Variants in PRKAA2 observed in about 807,000 individuals in gnomAD.
PRKAA2 encodes protein kinase AMP-activated catalytic subunit alpha 2, also known as 5'-AMP-activated protein kinase catalytic subunit alpha-2.
A neutral mutation model predicts 56.3 loss-of-function variants in PRKAA2; 40 were observed. The ratio of observed to expected loss-of-function variants is 0.71; its 90% CI spans 0.55 to 0.92. The LOEUF (loss-of-function observed/expected upper bound fraction) is 0.92. Ranked by LOEUF, PRKAA2 falls within the 40% of genes least tolerant of loss-of-function variation. The probability of loss-of-function intolerance (pLI) is 0.00; values close to 1 mark genes in which losing one functional copy is unlikely to be tolerated. For synonymous variants in PRKAA2, 214 were observed against 234.2 expected (o/e 0.91, Z 0.79); for missense variants, 542 against 686.9 (o/e 0.79, Z 2.36).
chr1:56,699,347 A>G (rs1342840598), intron 6 of PRKAA2, among the ~76,000 whole-genome samples: 2 of 152,158 alleles, frequency 1.3e-5, no homozygotes, highest in Non-Finnish European at 2.9e-5. Context: ...AGTGATAGAA[A>G]AATATAATTT....
intron 8 of PRKAA2, 89 bp from the exon 9 acceptor site, chr1:56,707,386 T>C: frequency 9.2e-7 from 1 of 1,082,830 alleles, no homozygotes; most frequent in Non-Finnish European, 1.4e-6. Context: ...CAGATGTGTT[T>C]ACTTAATATT....
intron 6 of PRKAA2, among the ~76,000 whole-genome samples, chr1:56,700,704 A>T (rs1048924524): frequency 6.6e-6 from 1 of 152,194 alleles, no homozygotes; most frequent in Non-Finnish European, 1.5e-5. Context: ...GTCAGGTCAC[A>T]TAAAAACCAG....
rs1207748743 is a variant in PRKAA2, at chr1:56,645,385, A to T, written c.-3A>T. Reference sequence around the variant, plus strand: ...CGGTGGAGCGAGGCCGCGCGCGCCGAAGATGGCTGAGAAGCAGAAGCACGA... The same window carrying T: ...CGGTGGAGCGAGGCCGCGCGCGCCGTAGATGGCTGAGAAGCAGAAGCACGA... On this transcript the variant is annotated 5_prime_UTR_variant, in exon 1 of 9. Coordinates refer to ENST00000371244, the MANE Select transcript of PRKAA2 (RefSeq NM_006252.4). 1.4e-6 allele frequency: 2 copies of T among 1,479,178 alleles called. No homozygotes were observed. Among genetic ancestry groups the T allele is most frequent in the East Asian group, 3.0e-5 (1 of 33,196 alleles). 91.6% of individuals were successfully genotyped at this position (1,479,178 alleles called of 1,614,324 possible).
At chr1:56,651,374 C>T (rs750831948) in intron 1 of PRKAA2, among the ~76,000 whole-genome samples, 2 of 151,474 alleles carry the variant, frequency 1.3e-5, no homozygotes, top group Non-Finnish European at 2.9e-5. Context: ...TTTTTTTATT[C>T]CCAGAGTAAT....
chr1:56,715,019 G>C lies in PRKAA2; in HGVS notation c.*7306G>C, dbSNP rs1043034306. 3 of 136,314 alleles carry C rather than the reference G, an allele frequency of 2.2e-5. No individual in the cohort carries two copies. The highest frequency in any genetic ancestry group is 7.6e-5 in the African/African-American group (3 of 39,468). 8.4% of individuals were successfully genotyped at this position (136,314 alleles called of 1,614,324 possible). A position where few individuals can be genotyped will look rare whatever the true frequency, so the allele number is the denominator to read the frequency against. On this transcript the variant is annotated 3_prime_UTR_variant, in exon 9 of 9. Coordinates refer to ENST00000371244, the MANE Select transcript of PRKAA2 (RefSeq NM_006252.4). Reference sequence around the variant, plus strand: ...AAATTGGGACCACTTTTTATAATTGGTTTCAAGAAAAAAAAATGAACAGAC... The same window carrying C: ...AAATTGGGACCACTTTTTATAATTGCTTTCAAGAAAAAAAAATGAACAGAC...
At position 56,713,902 on chromosome 1, in the gene PRKAA2, GAA is replaced by G. The variant is rs1644387180; in HGVS notation, c.*6190_*6191del. On this transcript the variant is annotated 3_prime_UTR_variant, in exon 9 of 9. Transcript: ENST00000371244. ...TTGTGCCTTCTCCCTTAAATTATAA[GAA>G]GAGTAATAGTAAAAACTTGTTTAAA... is the stretch of plus-strand genomic sequence containing the variant. 2 of 134,080 alleles carry G rather than the reference GAA, an allele frequency of 1.5e-5. No homozygotes were observed. The highest frequency in any genetic ancestry group is 5.6e-5 in the African/African-American group (2 of 35,912). The allele number at this position is 134,080 out of a possible 1,614,324, so 8.3% of individuals were successfully genotyped here. A position where few individuals can be genotyped will look rare whatever the true frequency, so the allele number is the denominator to read the frequency against.
chr1:56,685,350 C>T (rs1344981983), intron 2 of PRKAA2, among the ~76,000 whole-genome samples: 1 of 151,996 alleles, frequency 6.6e-6, no homozygotes, highest in Non-Finnish European at 1.5e-5. Context: ...TGATTGATGA[C>T]TATAATGTGA....
rs750405506 is a variant in PRKAA2 at position 56,653,780 on chromosome 1, T to TTC, written c.94+8301_94+8302dup. ...CTGTCTTGTTTTACTCTGGTCTTAT[T>TTC]TCTGCAAATGAATGTGTTCAGAAAC... On this transcript the variant is annotated intron_variant, in intron 1 of 8. Transcript: ENST00000371244. Among the ~76,000 whole-genome samples, 76 of 152,266 alleles carry TTC rather than the reference T, an allele frequency of 5.0e-4. No homozygotes were observed. The Middle Eastern group carries it at 0.01, about 20-fold the overall frequency.
chr1:56,667,191 C>T (rs1385105195), intron 1 of PRKAA2, among the ~76,000 whole-genome samples: 2 of 152,132 alleles, frequency 1.3e-5, no homozygotes, highest in African/African-American at 4.8e-5. Context: ...GATACACATG[C>T]CTTCCATCAG....
rs190930089 is a variant in PRKAA2, at chr1:56,701,687, C to T, written c.789-2284C>T. 4.6e-3 allele frequency among the ~76,000 whole-genome samples: 693 copies of T among 151,890 alleles called. 4 individuals are homozygous for T. The highest frequency in any genetic ancestry group is 0.016 in the African/African-American group (657 of 41,416). ...CGAGGCGGGTGGATCACGAGGTCAG[C>T]GACCATCCTGGCTAACACGGTGAAA... On this transcript the variant is annotated intron_variant, in intron 6 of 8. Coordinates refer to ENST00000371244, the MANE Select transcript of PRKAA2 (RefSeq NM_006252.4).
Position 56,707,436 on chromosome 1 carries a change from T to C in PRKAA2, c.1421-39T>C, listed in dbSNP as rs771695251. 39 of 1,544,014 alleles carry C rather than the reference T, an allele frequency of 2.5e-5. No individual in the cohort carries two copies. In the South Asian group the frequency reaches 3.9e-4, roughly 16 times the overall value. On this transcript the variant is annotated intron_variant, in intron 8 of 8. Transcript: ENST00000371244. ...TTCATAGGAAGGGCTTGGGCATATA[T>C]ACTTTCCATATAAATTGCTCTTCTT... is the stretch of plus-strand genomic sequence containing the variant.
In PRKAA2 at chr1:56,715,062, T is replaced by C. The variant is rs1377833929; in HGVS notation, c.*7349T>C. 2.0e-5 allele frequency: 3 copies of C among 152,138 alleles called. No individual in the cohort carries two copies. The highest frequency in any genetic ancestry group is 4.8e-5 in the African/African-American group (2 of 41,454). 9.4% of individuals were successfully genotyped at this position (152,138 alleles called of 1,614,324 possible). A position where few individuals can be genotyped will look rare whatever the true frequency, so the allele number is the denominator to read the frequency against. ...GAACAGACTTCCAGTGCTTTTCTGT[T>C]CAAATAAACTCCGATTCAAATTTCA... On this transcript the variant is annotated 3_prime_UTR_variant, in exon 9 of 9. Transcript: ENST00000371244.
At chr1:56,650,140 A>G (rs1382017045) in intron 1 of PRKAA2, among the ~76,000 whole-genome samples, 2 of 152,170 alleles carry the variant, frequency 1.3e-5, no homozygotes, top group Non-Finnish European at 2.9e-5. Flanking sequence ...TTGTTGATAT[A>G]TCAATTTATG....
chr1:56,686,174 A>C (rs1156259427), intron 2 of PRKAA2, among the ~76,000 whole-genome samples: 1 of 152,246 alleles, frequency 6.6e-6, no homozygotes, highest in East Asian at 1.9e-4. Context: ...AGTACTGTCA[A>C]CTCAATAAGC....
intron 1 of PRKAA2, among the ~76,000 whole-genome samples, chr1:56,649,089 A>G (rs912752731): frequency 2.0e-5 from 3 of 152,206 alleles, no homozygotes; most frequent in Non-Finnish European, 4.4e-5. Flanking sequence ...AAATTATTTT[A>G]TGGACTATGC....
At chr1:56,664,777 A>G (rs1031709685) in intron 1 of PRKAA2, among the ~76,000 whole-genome samples, 2 of 151,952 alleles carry the variant, frequency 1.3e-5, no homozygotes, top group African/African-American at 4.8e-5. Context: ...GAACTCTTGT[A>G]GAATTTAAAT....
chr1:56,679,499 C>T (rs1557552596), intron 2 of PRKAA2, among the ~76,000 whole-genome samples: 1 of 152,130 alleles, frequency 6.6e-6, no homozygotes. Context: ...TTTCCCAAGC[C>T]CCAAACTTGG....
At position 56,704,106 on chromosome 1, in the gene PRKAA2, G is replaced by T. The variant is rs1199822548; in HGVS notation, c.924G>T (p.Met308Ile). The stretch of plus-strand genomic sequence containing the variant: ...TTGAATGTACAGAATCAGAAGTAAT[G>T]AACAGTTTATATAGTGGTGACCCTC... ...EKFECTESEV[M>I]NSLYSGDPQD... The change falls in exon 7 of 9, where the codon ATG becomes ATT. Residue 308 changes from methionine (M) to isoleucine (I), a missense_variant. Met to Ile is a conservative substitution (Grantham distance 10). Around this residue, in one of 5 missense-constraint regions of PRKAA2, gnomAD observed 198 missense variants for 234.0 expected, o/e 0.85. Transcript: ENST00000371244. 1.9e-6 allele frequency: 3 copies of T among 1,614,124 alleles called. No individual in the cohort carries two copies. The highest frequency in any genetic ancestry group is 1.7e-6 in the Non-Finnish European group (2 of 1,180,020).
Position 56,696,049 on chromosome 1 carries a change from C to T in PRKAA2, c.678C>T (p.Ile226=). 6.2e-7 allele frequency: 1 copy of T among 1,612,592 alleles called. No homozygotes were observed. The highest frequency in any genetic ancestry group is 1.7e-5 in the Admixed American group (1 of 59,736). The change falls in exon 6 of 9, where the codon ATC becomes ATT. Residue 226 remains isoleucine, a synonymous_variant. Transcript: ENST00000371244. ...DEHVPTLFKK[I]RGGVFYIPEY... ...ATGTACCTACGTTATTTAAGAAGAT[C>T]CGAGGGGGTGTCTTTTATATCCCAG...
Sources: gnomAD v4.1 joint callset for allele counts (sites outside exome capture counted in the v4.1 genomes callset) on GRCh38, gnomAD v4.1.1 for gene constraint, gnomAD v4.1.1 regional missense constraint, MANE v1.5 for transcripts, NCBI Gene and HGNC (gene_info 2026-07-23, HGNC 2026-07-21) for gene names.